Variants in KIAA1549L observed in about 807,000 individuals in gnomAD.
The protein encoded by KIAA1549L is UPF0606 protein KIAA1549L.
In KIAA1549L, 88 loss-of-function variants were observed where a neutral mutation model predicts 160.7. That is an observed-to-expected ratio of 0.55 (90% confidence interval 0.46 to 0.65). KIAA1549L has a LOEUF of 0.65. KIAA1549L is among the 30% of genes least tolerant of loss of function. The pLI is 0.00. For missense variants in KIAA1549L, 2,258 were observed against 2,437.5 expected (o/e 0.93, Z 1.55); for synonymous variants, 950 against 976.7 (o/e 0.97, Z 0.51).
chr11:33,418,116 A>G (rs1161192819), intron 1 of KIAA1549L, among the ~76,000 whole-genome samples: 2 of 152,182 alleles, frequency 1.3e-5, no homozygotes, highest in African/African-American at 4.8e-5. Flanking sequence ...TCTTTATAAC[A>G]ATATTCGCTA....
chr11:33,564,702 C>G (rs1854988301), intron 8 of KIAA1549L, among the ~76,000 whole-genome samples: 1 of 152,252 alleles, frequency 6.6e-6, no homozygotes, highest in Non-Finnish European at 1.5e-5. Context: ...GGAAAAATTT[C>G]TTCTGGTCTC....
chr11:33,588,003 A>G (rs925759596), intron 11 of KIAA1549L, among the ~76,000 whole-genome samples: 4 of 152,210 alleles, frequency 2.6e-5, no homozygotes, highest in African/African-American at 4.8e-5. Context: ...TCTGTGTCAC[A>G]TAGTCCTAGG....
At chr11:33,591,670 T>C (rs1850058731) in intron 12 of KIAA1549L, among the ~76,000 whole-genome samples, 1 of 152,274 alleles carries the variant, frequency 6.6e-6, no homozygotes, top group Non-Finnish European at 1.5e-5. Context: ...ATATTTACTA[T>C]AGCAAATTTA....
At chr11:33,566,648 C>G (rs1266224283) in intron 8 of KIAA1549L, among the ~76,000 whole-genome samples, 1 of 152,198 alleles carries the variant, frequency 6.6e-6, no homozygotes, top group Non-Finnish European at 1.5e-5. Context: ...TTCTTTCTCG[C>G]TTGATCTATT....
intron 11 of KIAA1549L, among the ~76,000 whole-genome samples, chr11:33,588,170 A>G (rs1849936759): frequency 6.6e-6 from 1 of 152,212 alleles, no homozygotes; most frequent in Non-Finnish European, 1.5e-5. Flanking sequence ...TACTGTCTTT[A>G]GTACTGTGCC....
At chr11:33,503,551 C>T (rs541920634) in intron 1 of KIAA1549L, among the ~76,000 whole-genome samples, 55 of 152,238 alleles carry the variant, frequency 3.6e-4, no homozygotes, top group African/African-American at 1.2e-3. Context: ...CTTCCTTTTC[C>T]CTTTACAAAG....
rs1590383577 is a variant in KIAA1549L at position 33,598,885 on chromosome 11, G to A, written c.4817G>A (p.Arg1606His). The A allele has an allele frequency of 3.7e-6, 6 of 1,613,766 alleles. No homozygotes were observed. The highest frequency in any genetic ancestry group is 1.1e-5 in the South Asian group (1 of 91,074). The stretch of plus-strand genomic sequence containing the variant: ...TCAGGGAAGCCCAGCTCAGGGAGAC[G>A]CTCACCCCAGAATGTAATGGCACAG... Reference protein sequence around the residue: ...NESGKPSSGRRSPQNVMAQQK... With the variant: ...NESGKPSSGRHSPQNVMAQQK... Residue 1606 changes from arginine to histidine, a missense_variant, in exon 13 of 21, where the codon CGC (arginine) becomes CAC (histidine). By Grantham distance (29) the Arg-to-His change is conservative (BLOSUM62 0). Coordinates refer to ENST00000658780, the MANE Select transcript of KIAA1549L (RefSeq NM_012194.3).
At chr11:33,390,435 G>T (rs1267509491) in intron 1 of KIAA1549L, among the ~76,000 whole-genome samples, 1 of 152,160 alleles carries the variant, frequency 6.6e-6, no homozygotes, top group African/African-American at 2.4e-5. Context: ...ACTTGCTGTG[G>T]TGCTCACTGC....
chr11:33,430,091 TCTCCTCCCTCC>T (rs1565133088), intron 1 of KIAA1549L, among the ~76,000 whole-genome samples: 1 of 112,204 alleles, frequency 8.9e-6, no homozygotes, highest in Non-Finnish European at 1.7e-5. Context: ...TCCCTCCCTC[TCTCCTCCCTCC>T]CTCCACCAGG....
intron 1 of KIAA1549L, among the ~76,000 whole-genome samples, chr11:33,510,594 C>T (rs921221561): frequency 6.6e-6 from 1 of 152,222 alleles, no homozygotes; most frequent in Non-Finnish European, 1.5e-5. Flanking sequence ...CCAGAAAGCC[C>T]ATGTCCTAAA....
At chr11:33,395,444 TC>T (rs1850354550) in intron 1 of KIAA1549L, among the ~76,000 whole-genome samples, 2 of 152,228 alleles carry the variant, frequency 1.3e-5, no homozygotes, top group Admixed American at 1.3e-4. Flanking sequence ...TCAGGATGTT[TC>T]TGGAACTCTC....
Position 33,641,652 on chromosome 11 carries a change from T to G in KIAA1549L, c.5410-4034T>G, listed in dbSNP as rs116668431. On this transcript the variant is annotated intron_variant, in intron 16 of 20. Coordinates refer to ENST00000658780, the MANE Select transcript of KIAA1549L (RefSeq NM_012194.3). ...TATATATACACAGTGGGTAAGAGCT[T>G]AGGTGACGGAATCAAACTGTCTGTG... is the stretch of plus-strand genomic sequence containing the variant. Among the ~76,000 whole-genome samples the G allele has an allele frequency of 9.2e-3, 1,217 of 132,872 alleles. 32 individuals carry two copies. The highest frequency in any genetic ancestry group is 0.033 in the African/African-American group (1,164 of 35,062). The allele number at this position is 132,872 out of a possible 152,430, so 87.2% of individuals were successfully genotyped here.
intron 18 of KIAA1549L, among the ~76,000 whole-genome samples, chr11:33,656,986 A>C (rs1026838855): frequency 6.6e-6 from 1 of 152,252 alleles, no homozygotes; most frequent in Admixed American, 6.5e-5. Context: ...TAACATGAGC[A>C]CAGGGGCCTA....
chr11:33,430,750 A>AGGGC (rs1851221064), intron 1 of KIAA1549L, among the ~76,000 whole-genome samples: 2 of 152,176 alleles, frequency 1.3e-5, no homozygotes, highest in African/African-American at 4.8e-5. Context: ...AACCTGTCAG[A>AGGGC]AGCAGCCCTG....
chr11:33,565,718 T>TTTTTTC, intron 8 of KIAA1549L, among the ~76,000 whole-genome samples: 1 of 151,916 alleles, frequency 6.6e-6, no homozygotes. Context: ...TTTTTTTTTT[T>TTTTTTC]TCAAAAAAAT....
Position 33,668,571 on chromosome 11 carries a change from A to G in KIAA1549L, c.*417A>G, listed in dbSNP as rs574230612. The G allele has an allele frequency of 2.9e-4, 62 of 210,296 alleles. No homozygotes were observed. The highest frequency in any genetic ancestry group is 2.0e-3 in the Middle Eastern group (1 of 500). The allele number at this position is 210,296 out of a possible 1,614,324, so 13.0% of individuals were successfully genotyped here. On this transcript the variant is annotated 3_prime_UTR_variant, in exon 21 of 21. Coordinates refer to ENST00000658780, the MANE Select transcript of KIAA1549L (RefSeq NM_012194.3). ...TTAACTCTGTTTCTGTGTTAAAGGCAATGCAGGAGTGTGGATTAAGCACCA... is the reference window on the plus strand; with the variant it reads ...TTAACTCTGTTTCTGTGTTAAAGGCGATGCAGGAGTGTGGATTAAGCACCA...
At chr11:33,533,172 G>A (rs1853814511) in intron 1 of KIAA1549L, among the ~76,000 whole-genome samples, 2 of 152,174 alleles carry the variant, frequency 1.3e-5, no homozygotes, top group South Asian at 4.1e-4. Context: ...TGAGGTTAAA[G>A]TTCTGTTTGC....
At chr11:33,400,916 G>T (rs1256736204) in intron 1 of KIAA1549L, among the ~76,000 whole-genome samples, 2 of 152,100 alleles carry the variant, frequency 1.3e-5, no homozygotes, top group African/African-American at 2.4e-5. Context: ...GATATAACTT[G>T]CCCAGGACCA....
intron 1 of KIAA1549L, among the ~76,000 whole-genome samples, chr11:33,533,356 T>G (rs1446335209): frequency 6.6e-6 from 1 of 152,184 alleles, no homozygotes; most frequent in Non-Finnish European, 1.5e-5. Flanking sequence ...GGAGGCAGTT[T>G]GCACTGTTTT....
Sources: gnomAD v4.1 joint callset for allele counts (sites outside exome capture counted in the v4.1 genomes callset) on GRCh38, gnomAD v4.1.1 for gene constraint, MANE v1.5 for transcripts, NCBI Gene and HGNC (gene_info 2026-07-23, HGNC 2026-07-21) for gene names.